The following WWOX variants were observed in gnomAD, a reference collection of about 807,000 sequenced individuals.
The protein encoded by WWOX is WW domain-containing oxidoreductase.
In WWOX, 69 loss-of-function variants were observed where a neutral mutation model predicts 46.2. That is an observed-to-expected ratio of 1.49 (90% confidence interval 1.23 to 1.82). WWOX has a LOEUF of 1.82. WWOX is among the 40% of genes most tolerant of loss of function. WWOX has a pLI of 0.00. For missense variants in WWOX, 919 were observed against 542.6 expected, an observed-to-expected ratio of 1.69 and a Z score of -6.89; for synonymous variants, 359 against 202.6, an observed-to-expected ratio of 1.77 and a Z score of -6.56.
chr16:78,635,809 G>C (rs185331591), intron 8 of WWOX, among the ~76,000 whole-genome samples: 2 of 152,284 alleles, frequency 1.3e-5, no homozygotes, highest in Admixed American at 6.5e-5. Context: ...GCTAGTGGAA[G>C]GCGTGCCCAA....
chr16:78,532,219 G>C (rs1597222310), intron 8 of WWOX, among the ~76,000 whole-genome samples: 1 of 152,028 alleles, frequency 6.6e-6, no homozygotes, highest in African/African-American at 2.4e-5. Flanking sequence ...TTTAATATTG[G>C]TATCACTTTA....
chr16:78,647,982 C>G (rs1006415899), intron 8 of WWOX, among the ~76,000 whole-genome samples: 3 of 152,300 alleles, frequency 2.0e-5, no homozygotes, highest in South Asian at 2.1e-4. Context: ...TTCTCATTTG[C>G]TTTCGCTTAG....
At chr16:78,608,468 G>A (rs1411457092) in intron 8 of WWOX, among the ~76,000 whole-genome samples, 3 of 152,160 alleles carry the variant, frequency 2.0e-5, no homozygotes, top group Admixed American at 1.3e-4. Context: ...ATAAAGCTGC[G>A]ACTTGGCCAC....
intron 8 of WWOX, among the ~76,000 whole-genome samples, chr16:78,618,062 A>C (rs1020515751): frequency 6.6e-6 from 1 of 152,152 alleles, no homozygotes; most frequent in African/African-American, 2.4e-5. Flanking sequence ...TCTTGAATTA[A>C]ATTTTCATGG....
rs554244053 is a variant in WWOX, at chr16:79,028,669, C to T, written c.1057-182939C>T. Among the ~76,000 whole-genome samples, 33 of 151,650 alleles carry T rather than the reference C, an allele frequency of 2.2e-4. 1 individual carries two copies. Among genetic ancestry groups the T allele is most frequent in the Admixed American group, 1.7e-3 (26 of 15,252 alleles). Reference sequence around the variant, plus strand: ...AAAACGCTTCAGTGCGTGTTTCTTTCGACATTACACATAAGCCCCCATGGA... The same window carrying T: ...AAAACGCTTCAGTGCGTGTTTCTTTTGACATTACACATAAGCCCCCATGGA... On this transcript the variant is annotated intron_variant, in intron 8 of 8. Transcript: ENST00000566780.
intron 8 of WWOX, among the ~76,000 whole-genome samples, chr16:78,778,929 C>A (rs1013655941): frequency 5.3e-5 from 8 of 152,150 alleles, no homozygotes; most frequent in African/African-American, 1.9e-4. Context: ...GATGTCGCCC[C>A]TTGTTCACCC....
chr16:78,804,065 C>T (rs1250930165), intron 8 of WWOX, among the ~76,000 whole-genome samples: 2 of 152,076 alleles, frequency 1.3e-5, no homozygotes, highest in African/African-American at 4.8e-5. Context: ...TCTGACTTCC[C>T]TCTCCTTCAT....
chr16:78,658,814 G>T (rs565372642), intron 8 of WWOX, among the ~76,000 whole-genome samples: 4 of 151,856 alleles, frequency 2.6e-5, no homozygotes, highest in African/African-American at 4.8e-5. Flanking sequence ...TGCTAGGGCT[G>T]GGCACGGTGG....
At chr16:78,856,268 G>A (rs773881565) in intron 8 of WWOX, among the ~76,000 whole-genome samples, 7 of 152,200 alleles carry the variant, frequency 4.6e-5, no homozygotes, top group Non-Finnish European at 1.0e-4. Flanking sequence ...AGGCCTGGAC[G>A]TTGTTTGTAG....
At chr16:78,225,406 T>C (rs998573294) in intron 5 of WWOX, among the ~76,000 whole-genome samples, 2 of 152,192 alleles carry the variant, frequency 1.3e-5, no homozygotes, top group African/African-American at 4.8e-5. Context: ...GCTTTTTTTG[T>C]CTTTAAGTTT....
At chr16:78,672,852 A>T (rs967965001) in intron 8 of WWOX, among the ~76,000 whole-genome samples, 3 of 152,224 alleles carry the variant, frequency 2.0e-5, no homozygotes, top group African/African-American at 7.2e-5. Flanking sequence ...ACTAAAATAG[A>T]ATCATCGCCT....
chr16:78,980,878 C>G (rs1013104537), intron 8 of WWOX, among the ~76,000 whole-genome samples: 1 of 152,138 alleles, frequency 6.6e-6, no homozygotes, highest in African/African-American at 2.4e-5. Context: ...GGACTGGACT[C>G]AGTGGGTAAA....
intron 8 of WWOX, among the ~76,000 whole-genome samples, chr16:78,616,632 G>T (rs543162596): frequency 6.6e-6 from 1 of 151,862 alleles, no homozygotes; most frequent in Non-Finnish European, 1.5e-5. Context: ...AGCCAGGCTC[G>T]GTGGCTTGTG....
chr16:78,560,957 C>T (rs1045834483), intron 8 of WWOX, among the ~76,000 whole-genome samples: 5 of 152,108 alleles, frequency 3.3e-5, no homozygotes, highest in Admixed American at 2.0e-4. Flanking sequence ...AGATCAGAAG[C>T]CTAGACACAA....
At chr16:78,788,395 C>T (rs2050509142) in intron 8 of WWOX, among the ~76,000 whole-genome samples, 1 of 152,200 alleles carries the variant, frequency 6.6e-6, no homozygotes, top group Admixed American at 6.5e-5. Context: ...AGGCAGGACT[C>T]TAATCTTCCC....
intron 6 of WWOX, among the ~76,000 whole-genome samples, chr16:78,406,892 C>G (rs140336088): frequency 2.2e-3 from 329 of 152,332 alleles, no homozygotes; most frequent in African/African-American, 7.4e-3. Context: ...TCCCAAAGTG[C>G]TGGGATTACA....
intron 4 of WWOX, among the ~76,000 whole-genome samples, chr16:78,122,893 C>G (rs776035331): frequency 1.3e-5 from 2 of 152,140 alleles, no homozygotes; most frequent in Non-Finnish European, 2.9e-5. Flanking sequence ...ACACTAGCCA[C>G]CATGCCCGGG....
At chr16:78,437,894 G>A (rs937732043) in intron 8 of WWOX, among the ~76,000 whole-genome samples, 2 of 152,150 alleles carry the variant, frequency 1.3e-5, no homozygotes, top group African/African-American at 4.8e-5. Flanking sequence ...GCACCTGCAC[G>A]CATTAATGTG....
intron 5 of WWOX, chr16:78,168,353 C>T (rs1373472901): frequency 2.6e-5 from 4 of 152,164 alleles, no homozygotes; most frequent in Admixed American, 2.0e-4. Context: ...CAGCTAACAG[C>T]CCCCATTTAT....
Sources: gnomAD v4.1 joint callset for allele counts (sites outside exome capture counted in the v4.1 genomes callset) on GRCh38, gnomAD v4.1.1 for gene constraint, MANE v1.5 for transcripts, NCBI Gene and HGNC (gene_info 2026-07-23, HGNC 2026-07-21) for gene names.